Variants in PLPPR1 observed in about 807,000 individuals in gnomAD.
PLPPR1 encodes phospholipid phosphatase related 1, also known as phospholipid phosphatase-related protein type 1.
PLPPR1 carries 10 observed loss-of-function variants against 33.1 expected under a neutral mutation model. The observed-to-expected ratio is 0.30, with a 90% CI of 0.19 to 0.51. The LOEUF (loss-of-function observed/expected upper bound fraction) is 0.51, where lower values mean the gene tolerates loss of function less well. Ranked by LOEUF, PLPPR1 falls within the 20% of genes least tolerant of loss-of-function variation. The pLI is 0.97. For missense variants in PLPPR1, 304 were observed against 408.1 expected (o/e 0.74, Z 2.20); for synonymous variants, 151 against 151.0 (o/e 1.00, Z 0.00).
At chr9:101,200,799 T>C (rs1230862077) in intron 2 of PLPPR1, among the ~76,000 whole-genome samples, 1 of 152,176 alleles carries the variant, frequency 6.6e-6, no homozygotes, top group Non-Finnish European at 1.5e-5. Context: ...TTGGTATACA[T>C]TGCATAGAAT....
chr9:101,243,732 T>G (rs1394530754), intron 2 of PLPPR1, among the ~76,000 whole-genome samples: 1 of 151,962 alleles, frequency 6.6e-6, no homozygotes, highest in Non-Finnish European at 1.5e-5. Context: ...GAGAGTGTTT[T>G]GGGCTGGTAC....
chr9:101,170,713 A>T (rs1825930267), intron 1 of PLPPR1, among the ~76,000 whole-genome samples: 1 of 152,190 alleles, frequency 6.6e-6, no homozygotes, highest in Non-Finnish European at 1.5e-5. Context: ...AAGTGGGAGG[A>T]TCACTTGAGT....
intron 1 of PLPPR1, among the ~76,000 whole-genome samples, chr9:101,071,378 C>T (rs1267741265): frequency 6.6e-6 from 1 of 152,130 alleles, no homozygotes; most frequent in East Asian, 1.9e-4. Context: ...CTGATGTAAC[C>T]TGGTGGAAAT....
intron 2 of PLPPR1, among the ~76,000 whole-genome samples, chr9:101,213,064 C>A (rs571742181): frequency 6.6e-6 from 1 of 152,140 alleles, no homozygotes; most frequent in Non-Finnish European, 1.5e-5. Flanking sequence ...GATGAGGACA[C>A]TGCAATATAG....
intron 2 of PLPPR1, among the ~76,000 whole-genome samples, chr9:101,209,552 A>ATTGT (rs1211340215): frequency 1.3e-5 from 2 of 152,062 alleles, no homozygotes; most frequent in East Asian, 3.9e-4. Context: ...CCCCCTTTTT[A>ATTGT]TTGTTTATTC....
intron 4 of PLPPR1, among the ~76,000 whole-genome samples, chr9:101,291,163 C>T (rs372602747): frequency 7.9e-5 from 12 of 152,344 alleles, no homozygotes; most frequent in South Asian, 6.2e-4. Flanking sequence ...GAGGGTCCTA[C>T]GCCCATGGAG....
chr9:101,266,201 T>C (rs1387499889), intron 2 of PLPPR1, among the ~76,000 whole-genome samples: 1 of 151,726 alleles, frequency 6.6e-6, no homozygotes, highest in Admixed American at 6.6e-5. Context: ...CTGAGATGGA[T>C]GGATCACTCG....
At chr9:101,268,674 T>C (rs929492138) in intron 2 of PLPPR1, among the ~76,000 whole-genome samples, 1 of 152,198 alleles carries the variant, frequency 6.6e-6, no homozygotes, top group African/African-American at 2.4e-5. Context: ...AGAACTTTAG[T>C]CTTCTTAAGC....
intron 1 of PLPPR1, among the ~76,000 whole-genome samples, chr9:101,167,552 C>A (rs1825879835): frequency 1.3e-5 from 2 of 151,964 alleles, no homozygotes; most frequent in Admixed American, 6.6e-5. Context: ...AATTAATGAT[C>A]CTCATCTCTT....
At chr9:101,259,867 C>T (rs779184515) in intron 2 of PLPPR1, among the ~76,000 whole-genome samples, 3 of 152,076 alleles carry the variant, frequency 2.0e-5, no homozygotes, top group East Asian at 3.9e-4. Flanking sequence ...AGGAAGCAAT[C>T]GGATATGCAT....
At chr9:101,268,335 G>A (rs1828036370) in intron 2 of PLPPR1, among the ~76,000 whole-genome samples, 1 of 152,080 alleles carries the variant, frequency 6.6e-6, no homozygotes, top group Non-Finnish European at 1.5e-5. Context: ...TGGAAGAGTT[G>A]CAGAATTACT....
rs1588021344 is a variant in PLPPR1 at position 101,084,522 on chromosome 9, G to A, written c.-46+55420G>A. 2.0e-5 allele frequency among the ~76,000 whole-genome samples: 3 copies of A among 152,296 alleles called. No homozygotes were observed. The Middle Eastern group carries it at 0.01, about 518-fold the overall frequency. On this transcript the variant is annotated intron_variant, in intron 1 of 7. Coordinates refer to ENST00000374874, the MANE Select transcript of PLPPR1 (RefSeq NM_207299.2). ...GCAGTTGGTACTATTATAACACCAA[G>A]TTTATAAAGGAGAAGTAAAGTCTCT...
intron 2 of PLPPR1, among the ~76,000 whole-genome samples, chr9:101,231,567 T>C (rs1279467577): frequency 2.6e-5 from 4 of 152,062 alleles, no homozygotes; most frequent in Non-Finnish European, 5.9e-5. Context: ...CTCTTTTCAA[T>C]TGCAAAACAA....
intron 4 of PLPPR1, among the ~76,000 whole-genome samples, chr9:101,291,751 T>A (rs1828513631): frequency 6.6e-6 from 1 of 152,066 alleles, no homozygotes; most frequent in African/African-American, 2.4e-5. Flanking sequence ...GAAGGAAAAC[T>A]AACAAACAGA....
intron 7 of PLPPR1, among the ~76,000 whole-genome samples, chr9:101,323,072 A>C (rs149536277): frequency 2.9e-3 from 443 of 152,364 alleles, no homozygotes; most frequent in African/African-American, 0.01. Flanking sequence ...GAAAGGTTTT[A>C]AACACTAGAG....
At chr9:101,259,875 C>G (rs887335604) in intron 2 of PLPPR1, among the ~76,000 whole-genome samples, 1 of 152,068 alleles carries the variant, frequency 6.6e-6, no homozygotes, top group East Asian at 1.9e-4. Flanking sequence ...ATCGGATATG[C>G]ATTTATCTCA....
chr9:101,164,679 G>T (rs1025233952), intron 1 of PLPPR1, among the ~76,000 whole-genome samples: 1 of 151,428 alleles, frequency 6.6e-6, no homozygotes, highest in African/African-American at 2.4e-5. Flanking sequence ...AAATTTTGCT[G>T]TTTTTTTTCA....
chr9:101,111,789 C>T (rs1307894774), intron 1 of PLPPR1, among the ~76,000 whole-genome samples: 2 of 152,162 alleles, frequency 1.3e-5, no homozygotes, highest in East Asian at 3.8e-4. Context: ...GCTTGCATTT[C>T]TCTCTGCTTG....
At chr9:101,037,885 T>G (rs1830029381) in intron 1 of PLPPR1, among the ~76,000 whole-genome samples, 1 of 148,674 alleles carries the variant, frequency 6.7e-6, no homozygotes, top group Admixed American at 6.9e-5. Context: ...GATTGACATG[T>G]AATATGTGAC....
Sources: allele counts gnomAD v4.1 joint callset (sites outside exome capture counted in the v4.1 genomes callset), GRCh38; gene constraint gnomAD v4.1.1; transcripts MANE v1.5; gene names NCBI Gene and HGNC (gene_info 2026-07-23, HGNC 2026-07-21).